The following PDE8B variants were observed in gnomAD, a reference collection of about 807,000 sequenced individuals.
The protein encoded by PDE8B is phosphodiesterase 8B, also known as high affinity cAMP-specific and IBMX-insensitive 3',5'-cyclic phosphodiesterase 8B.
PDE8B carries 26 observed loss-of-function variants against 101.3 expected under a neutral mutation model. The ratio of observed to expected loss-of-function variants is 0.26; its 90% confidence interval spans 0.19 to 0.36. The LOEUF is 0.36. PDE8B is among the 10% of genes least tolerant of loss of function. The probability of loss-of-function intolerance (pLI) is 1.00; values close to 1 mark genes in which losing one functional copy is unlikely to be tolerated. For missense variants in PDE8B, 810 were observed against 1,163.1 expected (o/e 0.70, Z 4.42); for synonymous variants, 424 against 429.3 (o/e 0.99, Z 0.15).
chr5:77,132,963 T>C, the PDE8B span, among the ~76,000 whole-genome samples: 1 of 152,262 alleles, frequency 6.6e-6, no homozygotes, highest in Admixed American at 6.5e-5. Context: ...CATTGTCTTC[T>C]AGCTTCTGAT....
At chr5:77,200,139 G>A in the PDE8B span, among the ~76,000 whole-genome samples, 1 of 151,826 alleles carries the variant, frequency 6.6e-6, no homozygotes, top group Non-Finnish European at 1.5e-5. Context: ...TAAGACATAG[G>A]GATCACTATG....
At chr5:77,209,227 T>TA (rs1379437067), upstream of PDE8B, among the ~76,000 whole-genome samples, 1 of 152,152 alleles carries the variant, frequency 6.6e-6, no homozygotes, top group East Asian at 1.9e-4. Flanking sequence ...GGTAGAAGAA[T>TA]AAGGTTAGAC....
the PDE8B span, among the ~76,000 whole-genome samples, chr5:77,110,658 C>G: frequency 6.6e-6 from 1 of 152,204 alleles, no homozygotes; most frequent in Non-Finnish European, 1.5e-5. Flanking sequence ...TGATGCTGCT[C>G]TGAGAGTTGG....
At position 77,319,320 on chromosome 5, in the gene PDE8B, T is replaced by C. The variant is rs557852303; in HGVS notation, c.400-6219T>C. On this transcript the variant is annotated intron_variant, in intron 2 of 21. Transcript: ENST00000264917. ...AATGTGCAGCATCATCAGTAACTTA[T>C]CGCTTTTTTTAACCATAACTTTTTT... Among the ~76,000 whole-genome samples, 6 of 152,354 alleles carry C rather than the reference T, an allele frequency of 3.9e-5. No individual in the cohort carries two copies. The South Asian group carries it at 1.0e-3, about 26-fold the overall frequency.
intron 1 of PDE8B, among the ~76,000 whole-genome samples, chr5:77,288,142 G>A (rs188323491): frequency 1.7e-4 from 26 of 152,250 alleles, no homozygotes; most frequent in African/African-American, 5.5e-4. Context: ...GAACCATTTC[G>A]TCCTATGTGA....
At chr5:77,146,640 A>G in the PDE8B span, 1 of 280,684 alleles carries the variant, frequency 3.6e-6, no homozygotes, top group Non-Finnish European at 7.0e-6. Flanking sequence ...ACTTGTCAGG[A>G]GGCGCATAAG....
chr5:77,173,105 T>A, the PDE8B span, among the ~76,000 whole-genome samples: 3 of 151,566 alleles, frequency 2.0e-5, no homozygotes, highest in Non-Finnish European at 2.9e-5. Flanking sequence ...TCCTCCAGAG[T>A]TTTTGGCAGA....
At chr5:77,227,415 A>G (rs771492277) in intron 1 of PDE8B, among the ~76,000 whole-genome samples, 1 of 152,172 alleles carries the variant, frequency 6.6e-6, no homozygotes, top group Non-Finnish European at 1.5e-5. Flanking sequence ...CCATTTTTCA[A>G]TAAAAATAAT....
Position 77,315,453 on chromosome 5 carries a change from A to AT in PDE8B, c.399+3408dup, listed in dbSNP as rs1441540318. ...AATTGCTTTGAGGCCTTTGCTACTGATTTTTTTTATATTTGTTGCAGCTTG... is the reference window on the plus strand; with the variant it reads ...AATTGCTTTGAGGCCTTTGCTACTGATTTTTTTTTATATTTGTTGCAGCTTG... On this transcript the variant is annotated intron_variant, in intron 2 of 21. Transcript: ENST00000264917. Among the ~76,000 whole-genome samples, 6 of 151,878 alleles carry AT rather than the reference A, an allele frequency of 4.0e-5. No homozygotes were observed. In the East Asian group the frequency reaches 9.7e-4, roughly 24 times the overall value.
In PDE8B at chr5:77,426,744, T is replaced by C. The variant is rs910766106; in HGVS notation, c.*190T>C. 1 of 608,758 alleles carries C rather than the reference T, an allele frequency of 1.6e-6. No homozygotes were observed. The highest frequency in any genetic ancestry group is 3.0e-6 in the Non-Finnish European group (1 of 337,958). The allele number at this position is 608,758 out of a possible 1,614,324, so 37.7% of individuals were successfully genotyped here. A position where few individuals can be genotyped will look rare whatever the true frequency, so the allele number is the denominator to read the frequency against. Reference sequence around the variant, plus strand: ...AAGTTATGTTCCATGAAGAAAAATATATGTTCTTTTGAATACTTAATGACA... The same window carrying C: ...AAGTTATGTTCCATGAAGAAAAATACATGTTCTTTTGAATACTTAATGACA... On this transcript the variant is annotated 3_prime_UTR_variant, in exon 22 of 22. Coordinates refer to ENST00000264917, the MANE Select transcript of PDE8B (RefSeq NM_003719.5).
intron 2 of PDE8B, among the ~76,000 whole-genome samples, chr5:77,321,142 A>ATTTTTTTTTTTTTTTTTTTTTTTTTT (rs10538529): frequency 2.6e-5 from 2 of 76,430 alleles, no homozygotes; most frequent in Non-Finnish European, 4.9e-5. Context: ...CAGTATCTCT[A>ATTTTTTTTTTTTTTTTTTTTTTTTTT]TTTTTTTTTT....
chr5:77,345,292 G>A (rs890053011), intron 7 of PDE8B, among the ~76,000 whole-genome samples: 2 of 152,068 alleles, frequency 1.3e-5, no homozygotes, highest in Non-Finnish European at 2.9e-5. Flanking sequence ...TCTAAGTAGC[G>A]AGGATTACAG....
At chr5:77,201,205 A>T in the PDE8B span, among the ~76,000 whole-genome samples, 1 of 152,230 alleles carries the variant, frequency 6.6e-6, no homozygotes, top group Admixed American at 6.5e-5. Flanking sequence ...AACTAGCATC[A>T]CTGCGTAGGC....
chr5:77,322,230 G>A lies in PDE8B; in HGVS notation c.400-3309G>A, dbSNP rs1476030311. Among the ~76,000 whole-genome samples the A allele has an allele frequency of 2.0e-5, 3 of 152,092 alleles. No homozygotes were observed. The East Asian group carries it at 5.8e-4, about 29-fold the overall frequency. On this transcript the variant is annotated intron_variant, in intron 2 of 21. Coordinates refer to ENST00000264917, the MANE Select transcript of PDE8B (RefSeq NM_003719.5). ...TGGTGGTGGTTGGGGAATGGGCTCT[G>A]GATTGGTTGATTTGCATATGAAGGG...
intron 1 of PDE8B, among the ~76,000 whole-genome samples, chr5:77,231,854 C>T (rs1753645175): frequency 6.6e-6 from 1 of 152,202 alleles, no homozygotes; most frequent in Admixed American, 6.5e-5. Context: ...CAGGACAGGG[C>T]ACTGAAGCAG....
chr5:77,311,991 T>C lies in PDE8B; in HGVS notation c.340-3T>C. ...CGCTTCTCTTGTGCTGTCCTTTATT[T>C]AGCAGGTGTCTTCTGCGGAGGTGCG... On this transcript the variant is annotated splice_polypyrimidine_tract_variant and splice_region_variant and intron_variant, in intron 1 of 21. Coordinates refer to ENST00000264917, the MANE Select transcript of PDE8B (RefSeq NM_003719.5). The C allele has an allele frequency of 6.2e-7, 1 of 1,612,750 alleles. No homozygotes were observed. The highest frequency in any genetic ancestry group is 8.5e-7 in the Non-Finnish European group (1 of 1,178,708).
chr5:77,299,511 G>T (rs1580878987), intron 1 of PDE8B, among the ~76,000 whole-genome samples: 2 of 147,294 alleles, frequency 1.4e-5, no homozygotes, highest in African/African-American at 5.0e-5. Context: ...CTATGAGTGA[G>T]AACATGCGGT....
intron 1 of PDE8B, among the ~76,000 whole-genome samples, chr5:77,227,478 G>A (rs931876227): frequency 6.6e-6 from 1 of 152,108 alleles, no homozygotes; most frequent in Non-Finnish European, 1.5e-5. Flanking sequence ...GGCAGGAGAA[G>A]AAAGACTGGC....
chr5:77,132,819 G>T, the PDE8B span, among the ~76,000 whole-genome samples: 2 of 152,208 alleles, frequency 1.3e-5, no homozygotes, highest in South Asian at 4.1e-4. Flanking sequence ...AGGTCTATGG[G>T]AGGTACATTA....
Sources: allele counts gnomAD v4.1 joint callset (sites outside exome capture counted in the v4.1 genomes callset), GRCh38; gene constraint gnomAD v4.1.1; transcripts MANE v1.5; gene names NCBI Gene and HGNC (gene_info 2026-07-23, HGNC 2026-07-21).